Variants in DGKB observed in about 807,000 individuals in gnomAD.
The protein encoded by DGKB is diacylglycerol kinase beta.
In DGKB, 67 loss-of-function variants were observed where a neutral mutation model predicts 114.3. That is an observed-to-expected ratio of 0.59 (90% CI 0.48 to 0.72). DGKB has a LOEUF of 0.72. Ranked by LOEUF, DGKB falls within the 30% of genes least tolerant of loss-of-function variation. DGKB has a pLI of 0.00. For missense variants in DGKB, 907 were observed against 975.2 expected, an observed-to-expected ratio of 0.93 and a Z score of 0.93; for synonymous variants, 398 against 323.1, an observed-to-expected ratio of 1.23 and a Z score of -2.49.
At chr7:14,580,979 A>C (rs371420177) in intron 18 of DGKB, 28 bp from the exon 19 acceptor site, 1 of 1,523,948 alleles carries the variant, frequency 6.6e-7, no homozygotes, top group African/African-American at 1.4e-5. Flanking sequence ...ATACAAATAA[A>C]GAAAATTTTA....
intron 23 of DGKB, among the ~76,000 whole-genome samples, chr7:14,303,114 G>A (rs1259011565): frequency 6.6e-6 from 1 of 152,144 alleles, no homozygotes; most frequent in African/African-American, 2.4e-5. Context: ...TCCAGTGCCA[G>A]TTTTCAAAAT....
chr7:14,587,562 G>T (rs1035144448), intron 17 of DGKB, among the ~76,000 whole-genome samples: 4 of 152,098 alleles, frequency 2.6e-5, no homozygotes, highest in African/African-American at 9.7e-5. Context: ...TGTATAAGAT[G>T]CTAGCAAACA....
intron 23 of DGKB, among the ~76,000 whole-genome samples, chr7:14,267,928 C>G (rs1045583019): frequency 6.6e-6 from 1 of 152,106 alleles, no homozygotes; most frequent in Non-Finnish European, 1.5e-5. Context: ...AACAATTCTA[C>G]TAACTAGGTT....
chr7:14,887,018 T>C (rs1780392857), intron 1 of DGKB, among the ~76,000 whole-genome samples: 1 of 151,896 alleles, frequency 6.6e-6, no homozygotes, highest in African/African-American at 2.4e-5. Context: ...AATCGCAATT[T>C]ATAATTATTT....
intron 21 of DGKB, among the ~76,000 whole-genome samples, chr7:14,379,120 C>A (rs1037019940): frequency 2.0e-5 from 3 of 151,538 alleles, no homozygotes; most frequent in Admixed American, 6.6e-5. Context: ...ATTTTTAAGA[C>A]TTTTTCCCAT....
intron 25 of DGKB, among the ~76,000 whole-genome samples, chr7:14,160,153 C>T (rs971307558): frequency 6.6e-6 from 1 of 152,052 alleles, no homozygotes; most frequent in Non-Finnish European, 1.5e-5. Flanking sequence ...TTATGACAAA[C>T]CCACAGCCAA....
intron 19 of DGKB, among the ~76,000 whole-genome samples, chr7:14,576,399 T>A (rs1304751158): frequency 1.3e-5 from 2 of 151,696 alleles, no homozygotes; most frequent in Non-Finnish European, 2.9e-5. Context: ...CCCAAATAAA[T>A]TATATACATA....
intron 2 of DGKB, among the ~76,000 whole-genome samples, chr7:14,806,872 G>A (rs1460350219): frequency 1.3e-5 from 2 of 151,950 alleles, no homozygotes. Flanking sequence ...GAAAATTAGA[G>A]CCAGGGCATT....
chr7:14,874,408 T>G (rs1852945343), intron 1 of DGKB, among the ~76,000 whole-genome samples: 1 of 152,106 alleles, frequency 6.6e-6, no homozygotes, highest in South Asian at 2.1e-4. Flanking sequence ...CCACTAACAT[T>G]AATGTATAGT....
chr7:14,493,961 C>T (rs1056743178), intron 20 of DGKB, among the ~76,000 whole-genome samples: 4 of 142,262 alleles, frequency 2.8e-5, no homozygotes, highest in African/African-American at 1.0e-4. Flanking sequence ...CACACACACA[C>T]ATCTATGTAC....
chr7:14,288,197 T>C (rs1461815331), intron 23 of DGKB, among the ~76,000 whole-genome samples: 1 of 150,600 alleles, frequency 6.6e-6, no homozygotes, highest in East Asian at 1.9e-4. Flanking sequence ...AATTTCAGGG[T>C]TTCTAGAATT....
At chr7:14,807,802 T>C (rs918599175) in intron 2 of DGKB, among the ~76,000 whole-genome samples, 1 of 152,038 alleles carries the variant, frequency 6.6e-6, no homozygotes, top group East Asian at 1.9e-4. Flanking sequence ...AAATTTGTTT[T>C]TGTTCTAAAA....
intron 2 of DGKB, among the ~76,000 whole-genome samples, chr7:14,833,666 T>G (rs936543713): frequency 3.3e-5 from 5 of 152,154 alleles, no homozygotes; most frequent in African/African-American, 1.2e-4. Flanking sequence ...CTTCAGTGCT[T>G]AGACTCATGC....
intron 20 of DGKB, among the ~76,000 whole-genome samples, chr7:14,509,897 G>C (rs1197125989): frequency 6.6e-6 from 1 of 152,172 alleles, no homozygotes; most frequent in Non-Finnish European, 1.5e-5. Flanking sequence ...TAATCACTTG[G>C]CCAGGCATGG....
intron 1 of DGKB, among the ~76,000 whole-genome samples, chr7:14,914,295 C>T (rs745660621): frequency 2.6e-5 from 4 of 152,094 alleles, no homozygotes; most frequent in African/African-American, 7.2e-5. Flanking sequence ...GGACTCAGAT[C>T]CACTAAGAAA....
intron 1 of DGKB, among the ~76,000 whole-genome samples, chr7:14,942,958 A>G (rs950340353): frequency 2.0e-5 from 3 of 151,324 alleles, no homozygotes; most frequent in Non-Finnish European, 4.4e-5. Context: ...GTCTGTTTTT[A>G]TCCCTAGAAT....
At chr7:14,386,802 A>T (rs2128696841) in intron 21 of DGKB, among the ~76,000 whole-genome samples, 1 of 152,308 alleles carries the variant, frequency 6.6e-6, no homozygotes, top group African/African-American at 2.4e-5. Flanking sequence ...TGGGTGGCAG[A>T]AGGACAAAAG....
intron 20 of DGKB, among the ~76,000 whole-genome samples, chr7:14,571,682 C>G (rs528668397): frequency 6.6e-6 from 1 of 152,184 alleles, no homozygotes; most frequent in East Asian, 1.9e-4. Flanking sequence ...GCGGAAGAGA[C>G]GAAAGAAAGG....
intron 23 of DGKB, among the ~76,000 whole-genome samples, chr7:14,287,655 T>C (rs1207509080): frequency 6.6e-6 from 1 of 152,174 alleles, no homozygotes; most frequent in Non-Finnish European, 1.5e-5. Flanking sequence ...AGACAACTGA[T>C]AGACTTCAAT....
Sources: allele counts gnomAD v4.1 joint callset (sites outside exome capture counted in the v4.1 genomes callset), GRCh38; gene constraint gnomAD v4.1.1; transcripts MANE v1.5; gene names NCBI Gene and HGNC (gene_info 2026-07-23, HGNC 2026-07-21).